The following ERC2 variants were observed in gnomAD, a reference collection of about 807,000 sequenced individuals.
ERC2 encodes ELKS/RAB6-interacting/CAST family member 2, also known as ERC protein 2.
In ERC2, 42 loss-of-function variants were observed where a neutral mutation model predicts 114.8. The observed-to-expected ratio is 0.37, with a 90% CI of 0.29 to 0.47. The LOEUF is 0.47. Among genes scored for constraint, ERC2 ranks in the 20% least tolerant of loss-of-function variants. ERC2 has a pLI of 0.99. For missense variants in ERC2, 939 were observed against 1,150.7 expected, an observed-to-expected ratio of 0.82 and a Z score of 2.66; for synonymous variants, 454 against 425.5, an observed-to-expected ratio of 1.07 and a Z score of -0.82.
chr3:56,326,027 C>T (rs545505548), intron 2 of ERC2, among the ~76,000 whole-genome samples: 3 of 152,320 alleles, frequency 2.0e-5, no homozygotes, highest in South Asian at 4.1e-4. Flanking sequence ...CTCCATGTCA[C>T]GTGGCCCTAC....
intron 2 of ERC2, among the ~76,000 whole-genome samples, chr3:56,389,672 G>A (rs1175012281): frequency 6.6e-6 from 1 of 152,152 alleles, no homozygotes; most frequent in Non-Finnish European, 1.5e-5. Context: ...TAGAGTCAGT[G>A]GAGTTAATAA....
At chr3:56,208,773 A>G (rs6801004) in intron 3 of ERC2, among the ~76,000 whole-genome samples, 135,498 of 152,188 alleles carry the variant, frequency 0.89, 61,415 homozygotes, top group East Asian at 1. Context: ...GAAAGTGCCT[A>G]GCTAGCGGTA....
chr3:55,816,560 C>T (rs896831247), intron 14 of ERC2, among the ~76,000 whole-genome samples: 8 of 152,090 alleles, frequency 5.3e-5, no homozygotes, highest in Non-Finnish European at 1.2e-4. Flanking sequence ...GTAGCAGACT[C>T]CTTGAAGGAA....
intron 17 of ERC2, among the ~76,000 whole-genome samples, chr3:55,667,613 C>T (rs961145791): frequency 2.0e-5 from 3 of 152,198 alleles, no homozygotes; most frequent in South Asian, 2.1e-4. Flanking sequence ...CAGATGCTTA[C>T]CTTCCAGTTT....
chr3:56,439,157 T>C (rs1418446203), intron 1 of ERC2, among the ~76,000 whole-genome samples: 1 of 152,166 alleles, frequency 6.6e-6, no homozygotes, highest in Non-Finnish European at 1.5e-5. Flanking sequence ...TAAAACTGAA[T>C]GGGCTTGGCA....
At chr3:55,765,640 GC>G (rs1272758527) in intron 14 of ERC2, among the ~76,000 whole-genome samples, 1 of 152,184 alleles carries the variant, frequency 6.6e-6, no homozygotes, top group African/African-American at 2.4e-5. Flanking sequence ...GTTACTTGAG[GC>G]TTTTTTCCCT....
intron 3 of ERC2, among the ~76,000 whole-genome samples, chr3:56,185,471 G>A (rs945818320): frequency 1.3e-5 from 2 of 152,150 alleles, no homozygotes; most frequent in African/African-American, 4.8e-5. Flanking sequence ...CCCAGGAGTG[G>A]TATTTAATGG....
intron 2 of ERC2, among the ~76,000 whole-genome samples, chr3:56,372,341 A>T (rs375360834): frequency 9.8e-5 from 15 of 152,320 alleles, no homozygotes; most frequent in African/African-American, 3.6e-4. Flanking sequence ...AATACTTCAC[A>T]TTTTTTTAAT....
intron 13 of ERC2, among the ~76,000 whole-genome samples, chr3:55,916,523 T>A (rs1282348508): frequency 6.6e-6 from 1 of 152,140 alleles, no homozygotes; most frequent in African/African-American, 2.4e-5. Flanking sequence ...TAGTATAGTA[T>A]CATCAAAAGT....
chr3:55,897,326 T>C (rs1292349590), intron 13 of ERC2, among the ~76,000 whole-genome samples: 1 of 152,216 alleles, frequency 6.6e-6, no homozygotes, highest in African/African-American at 2.4e-5. Context: ...GATAAAGCTA[T>C]TTTTTCCCTT....
At chr3:56,370,739 C>A (rs1056877261) in intron 2 of ERC2, among the ~76,000 whole-genome samples, 1 of 151,902 alleles carries the variant, frequency 6.6e-6, no homozygotes, top group Non-Finnish European at 1.5e-5. Flanking sequence ...GGATTACAGG[C>A]ATGCACCACC....
intron 17 of ERC2, among the ~76,000 whole-genome samples, chr3:55,599,291 G>A (rs995843021): frequency 7.9e-5 from 12 of 152,102 alleles, no homozygotes; most frequent in Admixed American, 7.2e-4. Context: ...CACGTCCCCT[G>A]CAACACATCC....
intron 6 of ERC2, among the ~76,000 whole-genome samples, chr3:56,133,970 C>T (rs552945390): frequency 2.6e-5 from 4 of 152,220 alleles, no homozygotes; most frequent in South Asian, 2.1e-4. Flanking sequence ...CAGGAACTCC[C>T]GAAATAATGA....
At chr3:56,375,059 A>C (rs1041205815) in intron 2 of ERC2, among the ~76,000 whole-genome samples, 2 of 152,180 alleles carry the variant, frequency 1.3e-5, no homozygotes, top group Non-Finnish European at 2.9e-5. Context: ...CAGTGCTTGC[A>C]TCAAGGGAGG....
chr3:56,039,269 AG>A (rs1219538380), intron 7 of ERC2, among the ~76,000 whole-genome samples: 7 of 152,214 alleles, frequency 4.6e-5, no homozygotes, highest in Non-Finnish European at 8.8e-5. Context: ...CCAGTAAAAA[AG>A]TGTTCAAACT....
chr3:55,513,482 T>G (rs570870969), intron 17 of ERC2, among the ~76,000 whole-genome samples: 1 of 152,300 alleles, frequency 6.6e-6, no homozygotes, highest in African/African-American at 2.4e-5. Flanking sequence ...CAGTTTCAGC[T>G]TGGATGTCAT....
intron 14 of ERC2, among the ~76,000 whole-genome samples, chr3:55,795,612 C>G (rs889526620): frequency 2.0e-5 from 3 of 152,196 alleles, no homozygotes; most frequent in Non-Finnish European, 2.9e-5. Flanking sequence ...CGACAGGTCT[C>G]CAAGAATAGC....
chr3:55,602,981 T>C (rs2058474190), intron 17 of ERC2, among the ~76,000 whole-genome samples: 1 of 152,136 alleles, frequency 6.6e-6, no homozygotes, highest in African/African-American at 2.4e-5. Flanking sequence ...TTGTCCCTAC[T>C]CACAAGAGAA....
chr3:55,936,285 T>C (rs2066440046), intron 13 of ERC2, among the ~76,000 whole-genome samples: 1 of 152,206 alleles, frequency 6.6e-6, no homozygotes, highest in Non-Finnish European at 1.5e-5. Context: ...TGCTCACTTA[T>C]AATAACTCAT....
Sources: gnomAD v4.1 joint callset for allele counts (sites outside exome capture counted in the v4.1 genomes callset) on GRCh38, gnomAD v4.1.1 for gene constraint, MANE v1.5 for transcripts, NCBI Gene and HGNC (gene_info 2026-07-23, HGNC 2026-07-21) for gene names.